ZRANB3: variants seen among roughly 807,000 people sequenced by gnomAD.
ZRANB3 encodes DNA annealing helicase and endonuclease ZRANB3.
A neutral mutation model predicts 133.8 loss-of-function variants in ZRANB3; 125 were observed. The ratio of observed to expected loss-of-function variants is 0.93; its 90% CI spans 0.81 to 1.08. The LOEUF (loss-of-function observed/expected upper bound fraction) is 1.08, where lower values mean the gene tolerates loss of function less well. ZRANB3 is among the 50% of genes least tolerant of loss of function. The pLI is 0.00. For synonymous variants in ZRANB3, 387 were observed against 432.7 expected, an observed-to-expected ratio of 0.89 and a Z score of 1.31; for missense variants, 1,229 against 1,275.5, an observed-to-expected ratio of 0.96 and a Z score of 0.56.
chr2:135,473,932 T>C lies in ZRANB3; in HGVS notation c.161+30397A>G, dbSNP rs955781345. Among the ~76,000 whole-genome samples, 4 of 152,128 alleles carry C rather than the reference T, an allele frequency of 2.6e-5. 1 individual carries two copies. The highest frequency in any genetic ancestry group is 2.6e-4 in the Admixed American group (4 of 15,262). On this transcript the variant is annotated intron_variant, in intron 2 of 20. Transcript: ENST00000264159. ...ACACACAGAGGCTCATGCTTGTAATTCCAGCACTTTGGGAGGCTGAAGCAG... is the reference window on the plus strand; with the variant it reads ...ACACACAGAGGCTCATGCTTGTAATCCCAGCACTTTGGGAGGCTGAAGCAG...
chr2:135,525,539 T>C (rs1326152918), intron 1 of ZRANB3, among the ~76,000 whole-genome samples: 2 of 152,176 alleles, frequency 1.3e-5, no homozygotes, highest in Non-Finnish European at 1.5e-5. Flanking sequence ...TCTGGGTATA[T>C]ATCCGAAAGA....
At chr2:135,456,738 G>A (rs547074932) in intron 2 of ZRANB3, among the ~76,000 whole-genome samples, 8 of 152,064 alleles carry the variant, frequency 5.3e-5, no homozygotes, top group Non-Finnish European at 7.4e-5. Flanking sequence ...AATTTTTTAC[G>A]TGGATACAAA....
At chr2:135,485,371 T>C (rs902412284) in intron 2 of ZRANB3, among the ~76,000 whole-genome samples, 1 of 152,138 alleles carries the variant, frequency 6.6e-6, no homozygotes, top group Non-Finnish European at 1.5e-5. Context: ...AAATGCTGAA[T>C]GTAGGAAGTA....
chr2:135,297,133 G>C (rs1050613632), intron 8 of ZRANB3, among the ~76,000 whole-genome samples: 7 of 152,214 alleles, frequency 4.6e-5, no homozygotes, highest in African/African-American at 1.7e-4. Context: ...AGTCTGCAGT[G>C]GTTACTGCTG....
chr2:135,406,376 C>T (rs554195549), intron 2 of ZRANB3, among the ~76,000 whole-genome samples: 8 of 152,090 alleles, frequency 5.3e-5, no homozygotes, highest in Non-Finnish European at 1.0e-4. Context: ...GATTCACAGC[C>T]GAATTCTACC....
intron 8 of ZRANB3, among the ~76,000 whole-genome samples, chr2:135,290,274 G>T (rs1270329890): frequency 6.6e-6 from 1 of 152,144 alleles, no homozygotes; most frequent in African/African-American, 2.4e-5. Context: ...TTTGGGAGCT[G>T]CAGTGTTAGG....
intron 3 of ZRANB3, among the ~76,000 whole-genome samples, chr2:135,366,668 A>T (rs1335492637): frequency 6.6e-6 from 1 of 152,096 alleles, no homozygotes; most frequent in Non-Finnish European, 1.5e-5. Context: ...AAAAAAAAGG[A>T]CTACTAAGAA....
At position 135,230,614 on chromosome 2, in the gene ZRANB3, G is replaced by C. The variant is rs1415504980; in HGVS notation, c.1853C>G (p.Pro618Arg). ...VQEAKAQLTT[P>R]AFPVEGWQCS... ...TTGCCAGCCCTCTACAGGAAAGGCT[G>C]GGGTGGTTAACTGGGCCTTGGCCTC... The change falls in exon 13 of 21, where the codon CCA becomes CGA. Residue 618 changes from proline to arginine, a missense_variant. Physicochemically the swap from Pro to Arg is moderately radical, Grantham distance 103 (BLOSUM62 -2). Transcript: ENST00000264159. 1.4e-5 allele frequency: 22 copies of C among 1,613,180 alleles called. No individual in the cohort carries two copies. The Admixed American group carries it at 3.2e-4, about 23-fold the overall frequency.
chr2:135,252,046 G>C (rs1039675554), intron 12 of ZRANB3, among the ~76,000 whole-genome samples: 2 of 152,022 alleles, frequency 1.3e-5, no homozygotes, highest in Admixed American at 6.6e-5. Flanking sequence ...AAAAACAAAA[G>C]AAACAAACAA....
intron 12 of ZRANB3, among the ~76,000 whole-genome samples, chr2:135,239,714 C>A (rs1320327240): frequency 6.6e-6 from 1 of 152,158 alleles, no homozygotes; most frequent in African/African-American, 2.4e-5. Context: ...GCGGGCCAGG[C>A]ATGGTGGCTC....
intron 8 of ZRANB3, among the ~76,000 whole-genome samples, chr2:135,300,510 C>T (rs140460648): frequency 1.2e-4 from 19 of 152,254 alleles, no homozygotes; most frequent in African/African-American, 4.3e-4. Context: ...ACAGCTTGCA[C>T]CTTGTTGTGT....
intron 9 of ZRANB3, among the ~76,000 whole-genome samples, chr2:135,273,173 G>C (rs1680619400): frequency 6.9e-6 from 1 of 145,508 alleles, no homozygotes; most frequent in African/African-American, 2.6e-5. Context: ...GCGACTGAGC[G>C]AGACTGTCTC....
At chr2:135,507,166 TC>T (rs2104825750) in intron 1 of ZRANB3, among the ~76,000 whole-genome samples, 1 of 152,236 alleles carries the variant, frequency 6.6e-6, no homozygotes, top group East Asian at 1.9e-4. Flanking sequence ...AAATGTAGAA[TC>T]AAAATGTGGA....
At chr2:135,405,377 T>A (rs1330519813) in intron 2 of ZRANB3, among the ~76,000 whole-genome samples, 1 of 152,150 alleles carries the variant, frequency 6.6e-6, no homozygotes, top group African/African-American at 2.4e-5. Context: ...AATGGGAGAC[T>A]TTAACATGCC....
Position 135,219,074 on chromosome 2 carries a change from T to G in ZRANB3, c.2352+3A>C. On this transcript the variant is annotated splice_donor_region_variant and intron_variant, in intron 16 of 20. Transcript: ENST00000264159. ...AAGCCATTTTATTTAAAACTATTCT[T>G]ACCAGTGAGCGATATTGTTTCAGCT... The G allele has an allele frequency of 6.8e-7, 1 of 1,475,588 alleles. No individual in the cohort carries two copies. The highest frequency in any genetic ancestry group is 9.0e-7 in the Non-Finnish European group (1 of 1,115,432). 91.4% of individuals were successfully genotyped at this position (1,475,588 alleles called of 1,614,324 possible).
chr2:135,401,994 T>C (rs1361119714), intron 2 of ZRANB3, among the ~76,000 whole-genome samples: 1 of 152,142 alleles, frequency 6.6e-6, no homozygotes, highest in East Asian at 1.9e-4. Flanking sequence ...CTGAACTATT[T>C]TTATTTTGCC....
At chr2:135,265,385 AT>A in intron 12 of ZRANB3, 148 bp downstream of exon 12, 1 of 739,710 alleles carries the variant, frequency 1.4e-6, no homozygotes, top group Non-Finnish European at 2.0e-6. Flanking sequence ...AACAATATTA[AT>A]TTTTGGCTCT....
chr2:135,229,799 A>G (rs1164670521), intron 13 of ZRANB3, among the ~76,000 whole-genome samples: 1 of 152,204 alleles, frequency 6.6e-6, no homozygotes, highest in Non-Finnish European at 1.5e-5. Flanking sequence ...AAAATGCTCT[A>G]TAGAATTGGA....
intron 1 of ZRANB3, among the ~76,000 whole-genome samples, chr2:135,505,002 T>C (rs979614015): frequency 1.3e-5 from 2 of 152,036 alleles, no homozygotes; most frequent in African/African-American, 4.8e-5. Context: ...ATTAAATTAA[T>C]GTAATATTAT....
Sources: gnomAD v4.1 joint callset for allele counts (sites outside exome capture counted in the v4.1 genomes callset) on GRCh38, gnomAD v4.1.1 for gene constraint, MANE v1.5 for transcripts, NCBI Gene and HGNC (gene_info 2026-07-23, HGNC 2026-07-21) for gene names.